PAK5: variants seen among roughly 807,000 people sequenced by gnomAD.
PAK5 encodes p21 (RAC1) activated kinase 5.
A neutral mutation model predicts 65.9 loss-of-function variants in PAK5; 16 were observed. That is an observed-to-expected ratio of 0.24 (90% CI 0.16 to 0.37). The LOEUF (loss-of-function observed/expected upper bound fraction) is 0.37, where lower values mean the gene tolerates loss of function less well. Ranked by LOEUF, PAK5 falls within the 10% of genes least tolerant of loss-of-function variation. PAK5 has a pLI of 1.00. For synonymous variants in PAK5, 371 were observed against 354.9 expected (o/e 1.05, Z -0.51); for missense variants, 785 against 903.9 (o/e 0.87, Z 1.69).
intron 3 of PAK5, among the ~76,000 whole-genome samples, chr20:9,582,539 G>C (rs2045997335): frequency 6.6e-6 from 1 of 152,114 alleles, no homozygotes; most frequent in African/African-American, 2.4e-5. Context: ...GACTACCTGG[G>C]TGAGGTCATA....
intron 2 of PAK5, among the ~76,000 whole-genome samples, chr20:9,690,000 C>T (rs2047770464): frequency 6.6e-6 from 1 of 152,138 alleles, no homozygotes; most frequent in Non-Finnish European, 1.5e-5. Context: ...AGATGCTGTA[C>T]TCTAGATATT....
In PAK5 at chr20:9,700,269, G is replaced by T. The variant is rs73600256; in HGVS notation, c.-12+11017C>A. Among the ~76,000 whole-genome samples the T allele has an allele frequency of 1.4e-4, 21 of 152,214 alleles. No individual in the cohort carries two copies. In the East Asian group the frequency reaches 2.9e-3, roughly 21 times the overall value. ...TCTACAAAAATAAAAGAATTAGCTG[G>T]ACGTGATGGAAAGCACCTGTGGTCC... On this transcript the variant is annotated intron_variant, in intron 2 of 9. Coordinates refer to ENST00000353224, the MANE Select transcript of PAK5 (RefSeq NM_177990.4).
intron 1 of PAK5, among the ~76,000 whole-genome samples, chr20:9,712,304 A>G (rs770369494): frequency 6.6e-6 from 1 of 152,204 alleles, no homozygotes; most frequent in Non-Finnish European, 1.5e-5. Context: ...CCTTGTTTAT[A>G]GTTCAGCATA....
chr20:9,682,132 C>T (rs963482583), intron 2 of PAK5, among the ~76,000 whole-genome samples: 13 of 152,170 alleles, frequency 8.5e-5, no homozygotes, highest in South Asian at 2.1e-4. Flanking sequence ...CTGAGGCAGG[C>T]GGATCACGAG....
At chr20:9,544,242 G>T in intron 8 of PAK5, 127 bp downstream of exon 8, 1 of 1,010,036 alleles carries the variant, frequency 9.9e-7, no homozygotes, top group Non-Finnish European at 1.5e-6. Context: ...CTCATCTAGT[G>T]AGTGGGGATC....
chr20:9,632,903 A>G (rs887925989), intron 3 of PAK5, among the ~76,000 whole-genome samples: 1 of 152,228 alleles, frequency 6.6e-6, no homozygotes, highest in Non-Finnish European at 1.5e-5. Context: ...TCAGATAGGT[A>G]TAAGGTTTGA....
At chr20:9,721,085 C>T (rs8118513) in intron 1 of PAK5, among the ~76,000 whole-genome samples, 51,992 of 152,006 alleles carry the variant, frequency 0.34, 9,749 homozygotes, top group South Asian at 0.52. Context: ...TCATTTTAAA[C>T]GAGTTAATTG....
chr20:9,574,697 A>G, intron 4 of PAK5, among the ~76,000 whole-genome samples: 1 of 152,236 alleles, frequency 6.6e-6, no homozygotes, highest in East Asian at 1.9e-4. Context: ...TATGCAAAGG[A>G]CACCTAAAGT....
At chr20:9,539,985 A>C (rs1265024798) in intron 9 of PAK5, among the ~76,000 whole-genome samples, 1 of 152,204 alleles carries the variant, frequency 6.6e-6, no homozygotes, top group East Asian at 1.9e-4. Flanking sequence ...TTATTTTTCT[A>C]ACAACTGCAA....
chr20:9,659,429 T>G (rs933508975), intron 2 of PAK5, among the ~76,000 whole-genome samples: 2 of 152,188 alleles, frequency 1.3e-5, no homozygotes, highest in African/African-American at 2.4e-5. Flanking sequence ...GGGCTTCATA[T>G]GGGCAACTGC....
chr20:9,810,117 G>T (rs933642854), intron 1 of PAK5, among the ~76,000 whole-genome samples: 2 of 152,102 alleles, frequency 1.3e-5, no homozygotes, highest in Non-Finnish European at 2.9e-5. Flanking sequence ...GTGCAGCAGT[G>T]GTTCCCAACC....
intron 7 of PAK5, among the ~76,000 whole-genome samples, chr20:9,556,949 C>G (rs889261734): frequency 6.6e-6 from 1 of 152,156 alleles, no homozygotes; most frequent in Non-Finnish European, 1.5e-5. Flanking sequence ...TCTCTCAGCT[C>G]TCATCCTGCA....
chr20:9,640,082 T>C (rs1203665661), intron 3 of PAK5, among the ~76,000 whole-genome samples: 1 of 152,034 alleles, frequency 6.6e-6, no homozygotes, highest in African/African-American at 2.4e-5. Flanking sequence ...ATACTTTAAG[T>C]TTTAGGGTAC....
intron 3 of PAK5, among the ~76,000 whole-genome samples, chr20:9,607,581 C>A (rs1015107346): frequency 6.6e-6 from 1 of 152,136 alleles, no homozygotes; most frequent in African/African-American, 2.4e-5. Context: ...AATCCCAGCA[C>A]TTTGGGAGGC....
intron 3 of PAK5, among the ~76,000 whole-genome samples, chr20:9,612,655 C>T (rs1328730034): frequency 6.6e-6 from 1 of 152,150 alleles, no homozygotes; most frequent in Non-Finnish European, 1.5e-5. Flanking sequence ...CAATCACCTC[C>T]CACCAGGCCC....
intron 1 of PAK5, among the ~76,000 whole-genome samples, chr20:9,739,550 T>A (rs2423455): frequency 0.041 from 6,226 of 152,280 alleles, 197 homozygotes; most frequent in Non-Finnish European, 0.062. Flanking sequence ...GTGCCATTTT[T>A]AATTTATGCT....
Position 9,614,697 on chromosome 20 carries a change from C to A in PAK5, c.204+29428G>T, listed in dbSNP as rs552345306. ...AATATTGAATGTGTTGAGAAAAAAACTCCACCAGTCTAGCATTCTATACTC... is the reference window on the plus strand; with the variant it reads ...AATATTGAATGTGTTGAGAAAAAAAATCCACCAGTCTAGCATTCTATACTC... On this transcript the variant is annotated intron_variant, in intron 3 of 9. Transcript: ENST00000353224. Among the ~76,000 whole-genome samples the A allele has an allele frequency of 9.5e-4, 144 of 152,288 alleles. 1 individual carries two copies. Among genetic ancestry groups the A allele is most frequent in the African/African-American group, 3.4e-3 (141 of 41,566 alleles).
chr20:9,681,584 T>C (rs538258125), intron 2 of PAK5, among the ~76,000 whole-genome samples: 6 of 152,286 alleles, frequency 3.9e-5, no homozygotes, highest in Admixed American at 3.3e-4. Flanking sequence ...GATGGCAACA[T>C]AAATCTTTAT....
intron 2 of PAK5, among the ~76,000 whole-genome samples, chr20:9,664,671 T>C (rs1331612593): frequency 2.0e-5 from 3 of 152,180 alleles, no homozygotes; most frequent in Admixed American, 1.3e-4. Flanking sequence ...TCTGTAGTTA[T>C]CGTCTTGTGT....
Sources: allele counts gnomAD v4.1 joint callset (sites outside exome capture counted in the v4.1 genomes callset), GRCh38; gene constraint gnomAD v4.1.1; transcripts MANE v1.5; gene names NCBI Gene and HGNC (gene_info 2026-07-23, HGNC 2026-07-21).